The following EIF3E variants were observed in gnomAD, a reference collection of about 807,000 sequenced individuals.
EIF3E encodes eukaryotic translation initiation factor 3 subunit E, also known as eIF-3 p48.
EIF3E carries 25 observed loss-of-function variants against 59.3 expected under a neutral mutation model. The ratio of observed to expected loss-of-function variants is 0.42; its 90% CI spans 0.31 to 0.59. The LOEUF is 0.59. EIF3E is among the 20% of genes least tolerant of loss of function. The pLI is 0.15. For missense variants in EIF3E, 317 were observed against 534.3 expected (o/e 0.59, Z 4.01); for synonymous variants, 176 against 170.2 (o/e 1.03, Z -0.26).
In EIF3E at chr8:108,228,372, T is replaced by G; in HGVS notation, c.617A>C (p.Gln206Pro). ...GAGCCATGTTCTCTGCTGAAGAGAC[T>G]GAAGTGGAGAACTCACAGACTAAAG... ...IDNNSVSSPL[Q>P]SLQQRTWLIH... The change falls in exon 7 of 13, where the codon CAG (glutamine) becomes CCG (proline). Residue 206 changes from glutamine (Q) to proline (P), a missense_variant. By Grantham distance (76) the Gln-to-Pro change is moderately conservative (BLOSUM62 -1). Around this residue, in one of 4 missense-constraint regions of EIF3E, gnomAD observed 242 missense variants for 398.0 expected, o/e 0.61. Coordinates refer to ENST00000220849, the MANE Select transcript of EIF3E (RefSeq NM_001568.3). 1 of 1,561,314 alleles carries G rather than the reference T, an allele frequency of 6.4e-7. No individual in the cohort carries two copies. Among genetic ancestry groups the G allele is most frequent in the South Asian group, 1.2e-5 (1 of 80,490 alleles).
intron 1 of EIF3E, among the ~76,000 whole-genome samples, chr8:108,244,709 T>C (rs1459164246): frequency 1.3e-5 from 2 of 152,152 alleles, no homozygotes; most frequent in Non-Finnish European, 2.9e-5. Context: ...GGATATCATT[T>C]TTAGCTATTT....
chr8:108,241,153 C>T lies in EIF3E; in HGVS notation c.205+646G>A, dbSNP rs1405934918. Among the ~76,000 whole-genome samples, 4 of 152,182 alleles carry T rather than the reference C, an allele frequency of 2.6e-5. No homozygotes were observed. In the East Asian group the frequency reaches 7.7e-4, roughly 29 times the overall value. ...ATATTCTAGAGCAGTCTTTCTGAAA[C>T]ACAGAAGATCTATGATCAAATTTTG... On this transcript the variant is annotated intron_variant, in intron 2 of 12. Coordinates refer to ENST00000220849, the MANE Select transcript of EIF3E (RefSeq NM_001568.3).
rs887282560 is a variant in EIF3E at position 108,228,332 on chromosome 8, CAG to C, written c.655_656del (p.Leu219ValfsTer12). On this transcript the variant is annotated frameshift_variant, in exon 7 of 13. Transcript: ENST00000220849. LOFTEE classifies it high-confidence loss of function. ...CTTTGGGGTGATTGAAGAAAACAAA[CAG>C]AGACCAGTGAATGAGCCATGTTCTC... ...QQRTWLIHWS[L>X]FVFFNHPKGR... The C allele has an allele frequency of 6.2e-7, 1 of 1,608,534 alleles. No homozygotes were observed. Among genetic ancestry groups the C allele is most frequent in the African/African-American group, 1.3e-5 (1 of 74,562 alleles).
chr8:108,229,281 G>A, intron 5 of EIF3E, 86 bp from the exon 6 acceptor site: 1 of 1,354,236 alleles, frequency 7.4e-7, no homozygotes, highest in Non-Finnish European at 1.0e-6. Flanking sequence ...TATCCCTCTA[G>A]CCTACTAAAA....
chr8:108,245,827 C>T lies in EIF3E; in HGVS notation c.90+2786G>A, dbSNP rs541757548. Among the ~76,000 whole-genome samples the T allele has an allele frequency of 5.3e-5, 8 of 152,304 alleles. No homozygotes were observed. In the South Asian group the frequency reaches 1.7e-3, roughly 32 times the overall value. ...ATTATGTGCTGAGAGCACAAGGAAG[C>T]TTCTGCTCTCATGAAGCTTATATTC... On this transcript the variant is annotated intron_variant, in intron 1 of 12. Transcript: ENST00000220849.
chr8:108,213,282 C>T (rs943876150), intron 10 of EIF3E, among the ~76,000 whole-genome samples: 3 of 152,138 alleles, frequency 2.0e-5, no homozygotes, highest in Admixed American at 6.5e-5. Context: ...AACACCAAAG[C>T]AGACAAGCAT....
At chr8:108,236,130 G>T in intron 4 of EIF3E, 31 bp downstream of exon 4, 1 of 1,594,358 alleles carries the variant, frequency 6.3e-7, no homozygotes, top group South Asian at 1.2e-5. Context: ...ATTAAAACAT[G>T]ACAACTTTAA....
chr8:108,208,563 T>C (rs1195986712), intron 10 of EIF3E, among the ~76,000 whole-genome samples: 7 of 152,058 alleles, frequency 4.6e-5, no homozygotes, highest in Non-Finnish European at 1.5e-5. Context: ...AATGCAGAAA[T>C]GCAATGATAA....
intron 7 of EIF3E, among the ~76,000 whole-genome samples, chr8:108,221,795 T>TACACACACGC (rs138121846): frequency 0.027 from 3,990 of 146,980 alleles, 143 homozygotes; most frequent in African/African-American, 0.081. Flanking sequence ...GCTGCCAGAC[T>TACACACACGC]ACACACACAC....
At chr8:108,241,430 T>C (rs1314086714) in intron 2 of EIF3E, among the ~76,000 whole-genome samples, 1 of 151,060 alleles carries the variant, frequency 6.6e-6, no homozygotes, top group African/African-American at 2.4e-5. Flanking sequence ...ACTAGATGCC[T>C]CAAAATTAAA....
intron 7 of EIF3E, among the ~76,000 whole-genome samples, chr8:108,222,338 C>A (rs1162711192): frequency 1.3e-5 from 2 of 152,164 alleles, no homozygotes; most frequent in Non-Finnish European, 2.9e-5. Flanking sequence ...AGCTACCATG[C>A]CCAGCCAGAC....
intron 7 of EIF3E, among the ~76,000 whole-genome samples, chr8:108,223,210 C>T (rs1266831019): frequency 6.6e-6 from 1 of 151,898 alleles, no homozygotes. Flanking sequence ...AATGACTTCA[C>T]GAAGGAAGTA....
Position 108,241,808 on chromosome 8 carries a change from T to C in EIF3E, c.196A>G (p.Ile66Val). Residue 66 changes from isoleucine to valine, a missense_variant, in exon 2 of 13, where the codon ATT becomes GTT. Physicochemically the swap from Ile to Val is conservative, Grantham distance 29 (BLOSUM62 3). This residue lies in a region of EIF3E where 242 missense variants were observed against 398.0 expected (regional missense o/e 0.61). Transcript: ENST00000220849. Reference sequence around the variant, plus strand: ...TAATGACAAAACTTACCATGAGGAATATCATCAGAATAAAGGTTTTTGTAT... The same window carrying C: ...TAATGACAAAACTTACCATGAGGAACATCATCAGAATAAAGGTTTTTGTAT... The part of the protein sequence containing the change: ...DVYKNLYSDD[I>V]PHALREKRTT... 1 of 1,565,686 alleles carries C rather than the reference T, an allele frequency of 6.4e-7. No individual in the cohort carries two copies.
At chr8:108,223,853 C>G (rs1445354432) in intron 7 of EIF3E, among the ~76,000 whole-genome samples, 1 of 151,306 alleles carries the variant, frequency 6.6e-6, no homozygotes, top group Non-Finnish European at 1.5e-5. Context: ...AGACTTTAAC[C>G]TGCACTGGTA....
intron 5 of EIF3E, among the ~76,000 whole-genome samples, chr8:108,230,641 T>C (rs1815605853): frequency 6.6e-6 from 1 of 152,258 alleles, no homozygotes; most frequent in African/African-American, 2.4e-5. Flanking sequence ...GGAGTAGATG[T>C]GTAAATTAAA....
chr8:108,245,622 C>G (rs541801943), intron 1 of EIF3E, among the ~76,000 whole-genome samples: 11 of 152,300 alleles, frequency 7.2e-5, no homozygotes, highest in African/African-American at 2.6e-4. Flanking sequence ...AGAATCTGCT[C>G]TGACTGCACA....
intron 5 of EIF3E, among the ~76,000 whole-genome samples, chr8:108,232,988 C>G (rs1815652238): frequency 6.6e-6 from 1 of 152,154 alleles, no homozygotes; most frequent in Admixed American, 6.5e-5. Context: ...GTAATCATAC[C>G]AGGCTTCTGA....
At chr8:108,248,390 T>G (rs1815990375) in intron 1 of EIF3E, among the ~76,000 whole-genome samples, 1 of 152,116 alleles carries the variant, frequency 6.6e-6, no homozygotes, top group African/African-American at 2.4e-5. Flanking sequence ...TGAAAGAGAC[T>G]TCTTTTCTCT....
chr8:108,235,439 A>T (rs1815709793), intron 4 of EIF3E, among the ~76,000 whole-genome samples: 1 of 152,248 alleles, frequency 6.6e-6, no homozygotes, highest in Admixed American at 6.5e-5. Context: ...TTGCATGAGC[A>T]GTTCACAATA....
Sources: gnomAD v4.1 joint callset for allele counts (sites outside exome capture counted in the v4.1 genomes callset) on GRCh38, gnomAD v4.1.1 for gene constraint, gnomAD v4.1.1 regional missense constraint, MANE v1.5 for transcripts, NCBI Gene and HGNC (gene_info 2026-07-23, HGNC 2026-07-21) for gene names.